RBM33: variants seen among roughly 807,000 people sequenced by gnomAD.
RBM33 encodes the protein RNA-binding protein 33.
A neutral mutation model predicts 132.6 loss-of-function variants in RBM33; 28 were observed. The ratio of observed to expected loss-of-function variants is 0.21; its 90% confidence interval spans 0.16 to 0.29. The LOEUF is 0.29. RBM33 is among the 10% of genes least tolerant of loss of function. The probability of loss-of-function intolerance (pLI) is 1.00; values close to 1 mark genes in which losing one functional copy is unlikely to be tolerated. For missense variants in RBM33, 1,291 were observed against 1,518.5 expected (o/e 0.85, Z 2.49); for synonymous variants, 634 against 593.0 (o/e 1.07, Z -1.01).
chr7:155,675,897 T>C (rs576427497), intron 3 of RBM33, among the ~76,000 whole-genome samples: 22 of 152,338 alleles, frequency 1.4e-4, no homozygotes, highest in African/African-American at 5.3e-4. Flanking sequence ...TCGATACTAC[T>C]TTTTAAAAAG....
chr7:155,727,049 C>T (rs1486031079), intron 9 of RBM33, among the ~76,000 whole-genome samples: 4 of 152,178 alleles, frequency 2.6e-5, no homozygotes, highest in African/African-American at 9.7e-5. Flanking sequence ...AGGCTGTGAA[C>T]CAGGCTGCGT....
intron 1 of RBM33, among the ~76,000 whole-genome samples, chr7:155,662,027 T>A (rs966535964): frequency 6.6e-6 from 1 of 152,168 alleles, no homozygotes; most frequent in Non-Finnish European, 1.5e-5. Context: ...ATTACTGTTA[T>A]TTGCTTCTTC....
Position 155,780,622 on chromosome 7 carries a change from C to G in RBM33, c.*5581C>G, listed in dbSNP as rs1563190904. 2 of 152,654 alleles carry G rather than the reference C, an allele frequency of 1.3e-5. No homozygotes were observed. The highest frequency in any genetic ancestry group is 2.9e-5 in the Non-Finnish European group (2 of 68,352). The allele number at this position is 152,654 out of a possible 1,614,324, so 9.5% of individuals were successfully genotyped here. The stretch of plus-strand genomic sequence containing the variant: ...TGTCCCATTCCAAGACTCACTCTCT[C>G]AGACCTTCCCATCTCCCTGGCTTTC... On this transcript the variant is annotated 3_prime_UTR_variant, in exon 18 of 18. Transcript: ENST00000401878.
At chr7:155,678,775 A>G (rs915523875) in intron 4 of RBM33, 91 bp downstream of exon 4, 1 of 691,212 alleles carries the variant, frequency 1.4e-6, no homozygotes, top group Non-Finnish European at 2.5e-6. Context: ...TAATTGAATA[A>G]TGTAGCCTTA....
rs906362420 is a variant in RBM33 at position 155,774,711 on chromosome 7, C to A, written c.3464+64C>A. ...GGGAGCAAGGCCCTCCTTCCTGTGCCCTCCCATCCATCATGGTAGCAAGCG... is the reference window on the plus strand; with the variant it reads ...GGGAGCAAGGCCCTCCTTCCTGTGCACTCCCATCCATCATGGTAGCAAGCG... On this transcript the variant is annotated intron_variant, in intron 17 of 17. Coordinates refer to ENST00000401878, the MANE Select transcript of RBM33 (RefSeq NM_053043.3). The surrounding 1 kb of genome is among the most constrained non-coding windows in gnomAD (Gnocchi z 4.2). The A allele has an allele frequency of 3.1e-6, 4 of 1,286,548 alleles. No homozygotes were observed. The highest frequency in any genetic ancestry group is 4.5e-6 in the Non-Finnish European group (4 of 881,544). The allele number at this position is 1,286,548 out of a possible 1,614,324, so 79.7% of individuals were successfully genotyped here.
chr7:155,742,071 G>A lies in RBM33; in HGVS notation c.2302G>A (p.Ala768Thr), dbSNP rs1017650861. ...GAAAGTCAAGCCAGCTAGCCCTGTGGCTCAACCTAAAGAAGAGGCAAAAAC... is the reference window on the plus strand; with the variant it reads ...GAAAGTCAAGCCAGCTAGCCCTGTGACTCAACCTAAAGAAGAGGCAAAAAC... ...EVKVKPASPV[A>T]QPKEEAKTET... Residue 768 changes from alanine (A) to threonine (T), a missense_variant, in exon 13 of 18, where the codon GCT becomes ACT. Ala to Thr is a moderately conservative substitution (Grantham distance 58, BLOSUM62 0). Transcript: ENST00000401878. 18 of 1,613,922 alleles carry A rather than the reference G, an allele frequency of 1.1e-5. No individual in the cohort carries two copies. The highest frequency in any genetic ancestry group is 1.5e-5 in the Non-Finnish European group (18 of 1,179,868).
In RBM33 at chr7:155,700,885, G is replaced by T; in HGVS notation, c.680G>T (p.Gly227Val). 1 of 1,612,988 alleles carries T rather than the reference G, an allele frequency of 6.2e-7. No individual in the cohort carries two copies. The highest frequency in any genetic ancestry group is 1.1e-5 in the South Asian group (1 of 90,686). The change falls in exon 6 of 18, where the codon GGA (glycine) becomes GTA (valine). Residue 227 changes from glycine (G) to valine (V), a missense_variant. This residue lies in a region of RBM33 where 11 missense variants were observed against 39.4 expected (regional missense o/e 0.28). Transcript: ENST00000401878. ...CGTTTCAAAACTGAAAGGAAAGAAG[G>T]AACAATTATTAGGCTCTCAGATGTA... Reference protein sequence around the residue: ...RLRFKTERKEGTIIRLSDVTR... With the variant: ...RLRFKTERKEVTIIRLSDVTR...
chr7:155,727,832 C>A (rs924883445), intron 9 of RBM33, among the ~76,000 whole-genome samples: 4 of 152,214 alleles, frequency 2.6e-5, no homozygotes, highest in Admixed American at 2.0e-4. Flanking sequence ...GTGGTGTGAT[C>A]GCAGCTCGCT....
At chr7:155,690,477 A>G (rs1453847036) in intron 5 of RBM33, among the ~76,000 whole-genome samples, 1 of 152,084 alleles carries the variant, frequency 6.6e-6, no homozygotes. Flanking sequence ...ATTTAAGGTT[A>G]ATATTGTTAT....
At chr7:155,759,574 C>T (rs569282720) in intron 14 of RBM33, among the ~76,000 whole-genome samples, 14 of 152,070 alleles carry the variant, frequency 9.2e-5, no homozygotes, top group South Asian at 2.1e-4. Context: ...CCCGCCACCG[C>T]GCCCGGCTAA....
chr7:155,664,518 C>T (rs776747697), intron 1 of RBM33, among the ~76,000 whole-genome samples: 7 of 151,882 alleles, frequency 4.6e-5, no homozygotes, highest in Non-Finnish European at 7.4e-5. Context: ...CTGATCCATC[C>T]GCTTCGGCCT....
chr7:155,756,479 T>A (rs1801854552), intron 14 of RBM33, among the ~76,000 whole-genome samples: 1 of 152,166 alleles, frequency 6.6e-6, no homozygotes, highest in South Asian at 2.1e-4. Flanking sequence ...AAAGTCAAAA[T>A]CAGGAAGTTG....
rs548845993 is a variant in RBM33, at chr7:155,664,534, A to G, written c.44-641A>G. Reference sequence around the variant, plus strand: ...TGATCCATCCGCTTCGGCCTCCCAAAGTGCTGGGATTACAGGCATGAGCCA... The same window carrying G: ...TGATCCATCCGCTTCGGCCTCCCAAGGTGCTGGGATTACAGGCATGAGCCA... On this transcript the variant is annotated intron_variant, in intron 1 of 17. Coordinates refer to ENST00000401878, the MANE Select transcript of RBM33 (RefSeq NM_053043.3). 3.3e-5 allele frequency among the ~76,000 whole-genome samples: 5 copies of G among 152,114 alleles called. 1 individual carries two copies. Among genetic ancestry groups the G allele is most frequent in the Non-Finnish European group, 4.4e-5 (3 of 67,992 alleles).
At chr7:155,693,187 A>T (rs1448524805) in intron 5 of RBM33, among the ~76,000 whole-genome samples, 4 of 152,196 alleles carry the variant, frequency 2.6e-5, no homozygotes, top group Admixed American at 1.3e-4. Context: ...TGATTTAAAA[A>T]TTTTTTTACT....
At chr7:155,706,837 C>T (rs1800129167) in intron 6 of RBM33, 23 bp from the exon 7 acceptor site, 1 of 1,571,192 alleles carries the variant, frequency 6.4e-7, no homozygotes, top group South Asian at 1.2e-5. Flanking sequence ...AAGTAACTAA[C>T]ACATACACAT....
intron 14 of RBM33, among the ~76,000 whole-genome samples, chr7:155,762,117 T>C (rs1227694014): frequency 2.0e-5 from 3 of 152,252 alleles, no homozygotes; most frequent in Non-Finnish European, 4.4e-5. Context: ...TGGCCAGTTA[T>C]CTGTGTGTGG....
chr7:155,691,607 AC>A (rs34001097), intron 5 of RBM33, among the ~76,000 whole-genome samples: 97,869 of 151,944 alleles, frequency 0.64, 32,430 homozygotes, highest in South Asian at 0.77. Flanking sequence ...AATGATGGTT[AC>A]GTAAACTTTT....
In RBM33 at chr7:155,764,011, C is replaced by T. The variant is rs371874363; in HGVS notation, c.3179C>T (p.Ala1060Val). 2.1e-4 allele frequency: 324 copies of T among 1,542,472 alleles called. 14 individuals carry two copies. In the South Asian group the frequency reaches 3.8e-3, roughly 18 times the overall value. Reference sequence around the variant, plus strand: ...AAAAGCATCCAAGGAATTCACCCGGCGAAGAAGGTACTGCTTGTTGCCTCG... The same window carrying T: ...AAAAGCATCCAAGGAATTCACCCGGTGAAGAAGGTACTGCTTGTTGCCTCG... Reference protein sequence around the residue: ...GIKSIQGIHPAKKAIMHGRGR... With the variant: ...GIKSIQGIHPVKKAIMHGRGR... Residue 1060 changes from alanine to valine, a missense_variant, in exon 15 of 18, where the codon GCG becomes GTG. This residue lies in a region of RBM33 where 841 missense variants were observed against 912.0 expected (regional missense o/e 0.92). Transcript: ENST00000401878.
At chr7:155,739,082 T>C (rs1390452237) in intron 11 of RBM33, 1 of 152,278 alleles carries the variant, frequency 6.6e-6, no homozygotes, top group Admixed American at 6.5e-5. Flanking sequence ...AAAATGAATA[T>C]TATCTAGGGT....
Sources: gnomAD v4.1 joint callset for allele counts (sites outside exome capture counted in the v4.1 genomes callset) on GRCh38, gnomAD v4.1.1 for gene constraint, gnomAD v4.1.1 regional missense constraint, Gnocchi (gnomAD v3.1) non-coding constraint, MANE v1.5 for transcripts, NCBI Gene and HGNC (gene_info 2026-07-23, HGNC 2026-07-21) for gene names.